The following ZNF814 variants were observed in gnomAD, a reference collection of about 807,000 sequenced individuals.
ZNF814 encodes zinc finger protein 814.
ZNF814 carries 5 observed loss-of-function variants against 7.5 expected under a neutral mutation model. That is an observed-to-expected ratio of 0.67 (90% CI 0.35 to 1.40). ZNF814 has a LOEUF of 1.40. Ranked by LOEUF, ZNF814 falls within the 40% of genes most tolerant of loss-of-function variation. ZNF814 has a pLI of 0.04. For synonymous variants in ZNF814, 315 were observed against 340.7 expected, an observed-to-expected ratio of 0.92 and a Z score of 0.83; for missense variants, 962 against 1,018.0, an observed-to-expected ratio of 0.94 and a Z score of 0.75.
Position 57,875,943 on chromosome 19 carries a change from CTTTTTTTTTTTTTTTTTT to C in ZNF814, c.164-735_164-718del, listed in dbSNP as rs567660556. Among the ~76,000 whole-genome samples, 329 of 71,438 alleles carry C rather than the reference CTTTTTTTTTTTTTTTTTT, an allele frequency of 4.6e-3. 1 individual carries two copies. The highest frequency in any genetic ancestry group is 7.1e-3 in the Non-Finnish European group (265 of 37,402). 46.9% of individuals were successfully genotyped at this position (71,438 alleles called of 152,430 possible). A position where few individuals can be genotyped will look rare whatever the true frequency, so the allele number is the denominator to read the frequency against. ...CTCCATGACCTCCTCCAGGGTGCCG[CTTTTTTTTTTTTTTTTTT>C]TTTTTTTTTTTTTTTTTGAGATGGA... On this transcript the variant is annotated intron_variant, in intron 2 of 2. Coordinates refer to ENST00000435989, the MANE Select transcript of ZNF814 (RefSeq NM_001144989.2).
At chr19:57,902,180 T>G in the ZNF814 span, among the ~76,000 whole-genome samples, 2 of 152,192 alleles carry the variant, frequency 1.3e-5, no homozygotes, top group African/African-American at 4.8e-5. Context: ...AACTCGAATG[T>G]AAACAAAATA....
chr19:57,896,228 G>A, the ZNF814 span, among the ~76,000 whole-genome samples: 3 of 150,822 alleles, frequency 2.0e-5, no homozygotes, highest in Non-Finnish European at 4.4e-5. The surrounding 1 kb of genome is among the most constrained non-coding windows in gnomAD (Gnocchi z 4.2). Context: ...TTATAAAGAA[G>A]GAGCCAAAAT....
At chr19:57,886,396 C>T (rs551745087) in intron 1 of ZNF814, among the ~76,000 whole-genome samples, 2 of 152,262 alleles carry the variant, frequency 1.3e-5, no homozygotes, top group East Asian at 1.9e-4. Flanking sequence ...CAGGGCCCCA[C>T]GGTGCTCATC....
At chr19:57,891,369 C>CA (rs930911781), upstream of ZNF814, among the ~76,000 whole-genome samples, 2 of 149,836 alleles carry the variant, frequency 1.3e-5, no homozygotes, top group Non-Finnish European at 3.0e-5. Flanking sequence ...ACTAAAAATA[C>CA]AAAAAATTAG....
Position 57,888,794 on chromosome 19 carries a change from G to C in ZNF814, c.9C>G (p.Ala3=), listed in dbSNP as rs376801406. Residue 3 remains alanine, a synonymous_variant, in exon 1 of 3, where the codon GCC becomes GCG. Coordinates refer to ENST00000435989, the MANE Select transcript of ZNF814 (RefSeq NM_001144989.2). ...GAGCGGAGAGCCTCAGCGTAGCCGC[G>C]GCAGCCATCGAACCACGTGGTTTTA... MA[A]AATLRLSAQG... is the part of the protein sequence containing the mutation. 1 of 1,551,934 alleles carries C rather than the reference G, an allele frequency of 6.4e-7. No homozygotes were observed. Among genetic ancestry groups the C allele is most frequent in the Non-Finnish European group, 8.7e-7 (1 of 1,147,152 alleles).
intron 1 of ZNF814, among the ~76,000 whole-genome samples, chr19:57,878,406 AG>A (rs1192172110): frequency 6.6e-6 from 1 of 151,594 alleles, no homozygotes; most frequent in East Asian, 1.9e-4. Flanking sequence ...AAACTATAAC[AG>A]GAACTCTGCC....
intron 1 of ZNF814, among the ~76,000 whole-genome samples, chr19:57,886,779 C>T (rs2071697171): frequency 6.6e-6 from 1 of 151,580 alleles, no homozygotes; most frequent in Non-Finnish European, 1.5e-5. Context: ...ACTCGGGAGG[C>T]TGAAACAAGA....
At chr19:57,904,207 A>G in the ZNF814 span, among the ~76,000 whole-genome samples, 1 of 152,226 alleles carries the variant, frequency 6.6e-6, no homozygotes, top group African/African-American at 2.4e-5. Flanking sequence ...ATGCTAAGCC[A>G]TCACAGCTAC....
In ZNF814 at chr19:57,872,998, T is replaced by A. The variant is rs1483629210; in HGVS notation, c.2392A>T (p.Lys798Ter). Residue 798 changes from lysine to a stop codon, truncating the protein, a stop_gained, in exon 3 of 3, where the codon AAG becomes TAG. Transcript: ENST00000435989. LOFTEE classifies it low-confidence loss of function (END_TRUNC). ...TKHKRVHTGEKPYECSECGKS... is the reference protein window; with the variant it reads ...TKHKRVHTGE The stretch of plus-strand genomic sequence containing the variant: ...CCACATTCACTGCACTCATAAGGCT[T>A]TTCTCCAGTGTGAACTCTTTTGTGT... 6.2e-7 allele frequency: 1 copy of A among 1,613,896 alleles called. No homozygotes were observed. The highest frequency in any genetic ancestry group is 2.2e-5 in the East Asian group (1 of 44,888).
Position 57,874,764 on chromosome 19 carries a change from C to T in ZNF814, c.626G>A (p.Cys209Tyr). ...SKTECVSPIQ[C>Y]GGAHYSCGES... ...TCCACAGCTGTAGTGAGCTCCCCCA[C>T]ACTGAATGGGAGACACACACTCAGT... Residue 209 changes from cysteine to tyrosine, a missense_variant, in exon 3 of 3, where the codon TGT becomes TAT. This residue lies in a region of ZNF814 where 126 missense variants were observed against 123.5 expected (regional missense o/e 1.02). Coordinates refer to ENST00000435989, the MANE Select transcript of ZNF814 (RefSeq NM_001144989.2). 6.2e-7 allele frequency: 1 copy of T among 1,613,902 alleles called. No individual in the cohort carries two copies. The highest frequency in any genetic ancestry group is 8.5e-7 in the Non-Finnish European group (1 of 1,179,900).
intron 1 of ZNF814, among the ~76,000 whole-genome samples, chr19:57,887,316 C>G (rs1427467798): frequency 6.6e-6 from 1 of 152,242 alleles, no homozygotes; most frequent in Non-Finnish European, 1.5e-5. Context: ...CCTTCAGCAG[C>G]TCAAAACTCA....
In ZNF814 at chr19:57,875,943, C is replaced by CTTTTT. The variant is rs567660556; in HGVS notation, c.164-722_164-718dup. Among the ~76,000 whole-genome samples, 163 of 71,394 alleles carry CTTTTT rather than the reference C, an allele frequency of 2.3e-3. 14 individuals are homozygous for CTTTTT. Among genetic ancestry groups the CTTTTT allele is most frequent in the Non-Finnish European group, 3.1e-3 (117 of 37,386 alleles). 46.8% of individuals were successfully genotyped at this position (71,394 alleles called of 152,430 possible). A position where few individuals can be genotyped will look rare whatever the true frequency, so the allele number is the denominator to read the frequency against. On this transcript the variant is annotated intron_variant, in intron 2 of 2. Coordinates refer to ENST00000435989, the MANE Select transcript of ZNF814 (RefSeq NM_001144989.2). ...CTCCATGACCTCCTCCAGGGTGCCGCTTTTTTTTTTTTTTTTTTTTTTTTT... is the reference window on the plus strand; with the variant it reads ...CTCCATGACCTCCTCCAGGGTGCCGCTTTTTTTTTTTTTTTTTTTTTTTTTTTTTT...
Position 57,872,508 on chromosome 19 carries a change from A to C in ZNF814, c.*314T>G. 1 of 585,690 alleles carries C rather than the reference A, an allele frequency of 1.7e-6. No homozygotes were observed. Among genetic ancestry groups the C allele is most frequent in the Non-Finnish European group, 3.0e-6 (1 of 337,270 alleles). The allele number at this position is 585,690 out of a possible 1,614,324, so 36.3% of individuals were successfully genotyped here. ...AAATGTATTTTATTTGTCTAGTGTG[A>C]ACTCTCTGATATTCAAGGAGAAAAG... is the stretch of plus-strand genomic sequence containing the variant. On this transcript the variant is annotated 3_prime_UTR_variant, in exon 3 of 3. Transcript: ENST00000435989.
chr19:57,888,116 A>G (rs1420477603), intron 1 of ZNF814, among the ~76,000 whole-genome samples: 1 of 152,210 alleles, frequency 6.6e-6, no homozygotes, highest in Non-Finnish European at 1.5e-5. Flanking sequence ...AATTCGTCTC[A>G]AAGTGTGGCG....
chr19:57,877,212 A>G (rs2071614070), intron 1 of ZNF814, among the ~76,000 whole-genome samples, 170 bp from the exon 2 acceptor site: 2 of 152,140 alleles, frequency 1.3e-5, no homozygotes, highest in South Asian at 4.1e-4. Flanking sequence ...TTGAACAAAT[A>G]GGTATCTGTG....
At chr19:57,877,173 T>G (rs1298393154) in intron 1 of ZNF814, 131 bp from the exon 2 acceptor site, 9 of 1,376,586 alleles carry the variant, frequency 6.5e-6, no homozygotes, top group Non-Finnish European at 9.0e-6. Flanking sequence ...CTAGGCCCAC[T>G]GGTCATGGGG....
chr19:57,869,955 AAAAG>A lies in ZNF814; in HGVS notation c.*2863_*2866del, dbSNP rs1398738120. The A allele has an allele frequency of 7.6e-6, 1 of 132,242 alleles. No homozygotes were observed. Among genetic ancestry groups the A allele is most frequent in the East Asian group, 2.3e-4 (1 of 4,318 alleles). The allele number at this position is 132,242 out of a possible 1,614,324, so 8.2% of individuals were successfully genotyped here. On this transcript the variant is annotated 3_prime_UTR_variant, in exon 3 of 3. Coordinates refer to ENST00000435989, the MANE Select transcript of ZNF814 (RefSeq NM_001144989.2). ...GAGACTCTGTCTCAAAAAAAAAAAA[AAAAG>A]GTTGGGCACGGTGGCTCATGCCTAT...
chr19:57,891,989 TGATCTGCCCACCTCAGCCTCCC>T (rs2071737420), upstream of ZNF814, among the ~76,000 whole-genome samples: 1 of 152,192 alleles, frequency 6.6e-6, no homozygotes, highest in Admixed American at 6.5e-5. Context: ...CCCAACCTTG[TGATCTGCCCACCTCAGCCTCCC>T]AAAGTGTTGG....
chr19:57,889,617 C>T (rs1485054683), upstream of ZNF814, among the ~76,000 whole-genome samples: 1 of 152,082 alleles, frequency 6.6e-6, no homozygotes, highest in Non-Finnish European at 1.5e-5. Flanking sequence ...GTAATCCCAG[C>T]ACTTTGGGAG....
Sources: gnomAD v4.1 joint callset for allele counts (sites outside exome capture counted in the v4.1 genomes callset) on GRCh38, gnomAD v4.1.1 for gene constraint, gnomAD v4.1.1 regional missense constraint, Gnocchi (gnomAD v3.1) non-coding constraint, MANE v1.5 for transcripts, NCBI Gene and HGNC (gene_info 2026-07-23, HGNC 2026-07-21) for gene names.